The following CDK20 variants were observed in gnomAD, a reference collection of about 807,000 sequenced individuals.
The protein encoded by CDK20 is cyclin-dependent kinase 20.
In CDK20, 40 loss-of-function variants were observed where a neutral mutation model predicts 38.6. The observed-to-expected ratio is 1.04, with a 90% confidence interval of 0.81 to 1.35. The LOEUF (loss-of-function observed/expected upper bound fraction) is 1.35. CDK20 is among the 40% of genes most tolerant of loss of function. CDK20 has a pLI of 0.00. For missense variants in CDK20, 512 were observed against 452.6 expected (o/e 1.13, Z -1.19); for synonymous variants, 209 against 185.7 (o/e 1.13, Z -1.02).
In CDK20 at chr9:87,971,150, A is replaced by G; in HGVS notation, c.375T>C (p.His125=). ...VAFCHANNIV[H]RDLKPANLLI... ...CCCGGCCTATGCTGAGACTGACCCG[A>G]TGTACAATGTTGTTGGCATGGCAGA... is the stretch of plus-strand genomic sequence containing the variant. The change falls in exon 3 of 8, where the codon CAT becomes CAC. Residue 125 remains histidine, a synonymous_variant. Coordinates refer to ENST00000325303, the MANE Select transcript of CDK20 (RefSeq NM_001039803.3). 1 of 1,613,572 alleles carries G rather than the reference A, an allele frequency of 6.2e-7. No individual in the cohort carries two copies. The highest frequency in any genetic ancestry group is 8.5e-7 in the Non-Finnish European group (1 of 1,179,600).
chr9:87,970,838 A>C lies in CDK20; in HGVS notation c.438T>G (p.Phe146Leu). ...SASGQLKIAD[F>L]GLARVFSPDG... Reference sequence around the variant, plus strand: ...CTGGGGAAAAGACTCGAGCCAGGCCAAAGTCCGCTATCTTGAGCTGGCCTG... The same window carrying C: ...CTGGGGAAAAGACTCGAGCCAGGCCCAAGTCCGCTATCTTGAGCTGGCCTG... Residue 146 changes from phenylalanine to leucine, a missense_variant, in exon 4 of 8, where the codon TTT (phenylalanine) becomes TTG (leucine). By Grantham distance (22) the Phe-to-Leu change is conservative. Coordinates refer to ENST00000325303, the MANE Select transcript of CDK20 (RefSeq NM_001039803.3). 4 of 1,614,186 alleles carry C rather than the reference A, an allele frequency of 2.5e-6. No individual in the cohort carries two copies. Among genetic ancestry groups the C allele is most frequent in the Non-Finnish European group, 3.4e-6 (4 of 1,180,044 alleles).
rs973770964 is a variant in CDK20, at chr9:87,966,606, C to T, written c.*856G>A. On this transcript the variant is annotated 3_prime_UTR_variant, in exon 8 of 8. Coordinates refer to ENST00000325303, the MANE Select transcript of CDK20 (RefSeq NM_001039803.3). ...ATCAAATTATAATAAGGAAAAAGCACTAGCTGGGATTATATTGGGATTTAT... is the reference window on the plus strand; with the variant it reads ...ATCAAATTATAATAAGGAAAAAGCATTAGCTGGGATTATATTGGGATTTAT... 1.2e-4 allele frequency: 20 copies of T among 163,530 alleles called. No individual in the cohort carries two copies. Among genetic ancestry groups the T allele is most frequent in the Admixed American group, 5.1e-4 (9 of 17,712 alleles). 10.1% of individuals were successfully genotyped at this position (163,530 alleles called of 1,614,324 possible). A position where few individuals can be genotyped will look rare whatever the true frequency, so the allele number is the denominator to read the frequency against.
At chr9:87,969,139 C>T (rs758999655) in intron 7 of CDK20, 55 bp downstream of exon 7, 3 of 1,590,892 alleles carry the variant, frequency 1.9e-6, no homozygotes, top group African/African-American at 1.3e-5. Context: ...GTACAGAGTA[C>T]CAGGGTGATG....
Position 87,969,222 on chromosome 9 carries a change from G to C in CDK20, c.815C>G (p.Pro272Arg). Reference protein sequence around the residue: ...LDLLGQFLLYPPHQRIAASKA... With the variant: ...LDLLGQFLLYRPHQRIAASKA... ...GGAAGCTGCGATGCGCTGGTGAGGA[G>C]GGTAGAGAAGGAATTGACCCAGCAG... The change falls in exon 7 of 8, where the codon CCT (proline) becomes CGT (arginine). Residue 272 changes from proline (P) to arginine (R), a missense_variant. By Grantham distance (103) the Pro-to-Arg change is moderately radical. Transcript: ENST00000325303. The C allele has an allele frequency of 2.5e-6, 4 of 1,614,076 alleles. No individual in the cohort carries two copies. The highest frequency in any genetic ancestry group is 3.4e-6 in the Non-Finnish European group (4 of 1,179,986).
At chr9:87,971,055 C>G (rs960356414) in intron 3 of CDK20, 92 bp downstream of exon 3, 14 of 1,515,182 alleles carry the variant, frequency 9.2e-6, no homozygotes, top group Non-Finnish European at 1.3e-5. Context: ...AGCTCTGTCC[C>G]AACTTCTTAT....
rs1829527246 is a variant in CDK20, at chr9:87,967,668, G to A, written c.844-9C>T. The A allele has an allele frequency of 6.8e-7, 1 of 1,464,460 alleles. No individual in the cohort carries two copies. The highest frequency in any genetic ancestry group is 9.0e-7 in the Non-Finnish European group (1 of 1,105,170). 90.7% of individuals were successfully genotyped at this position (1,464,460 alleles called of 1,614,324 possible). On this transcript the variant is annotated splice_polypyrimidine_tract_variant and intron_variant, in intron 7 of 7. Transcript: ENST00000325303. ...TACTGATGGAGGAGAGCCTGAGGGTGGCAAGTAAGGAACAGCAGAAGGAAA... is the reference window on the plus strand; with the variant it reads ...TACTGATGGAGGAGAGCCTGAGGGTAGCAAGTAAGGAACAGCAGAAGGAAA...
chr9:87,973,702 G>C (rs2118347003), intron 2 of CDK20, among the ~76,000 whole-genome samples: 1 of 152,292 alleles, frequency 6.6e-6, no homozygotes, highest in East Asian at 1.9e-4. Flanking sequence ...AAATGAGAGT[G>C]AATGTGTGAG....
At chr9:87,970,684 G>C in intron 4 of CDK20, 54 bp from the exon 5 acceptor site, 5 of 1,612,930 alleles carry the variant, frequency 3.1e-6, no homozygotes, top group Non-Finnish European at 3.4e-6. Context: ...GCCTGGGGAG[G>C]TGACCCCAGC....
chr9:87,971,744 T>A (rs1037278602), intron 2 of CDK20, among the ~76,000 whole-genome samples: 3 of 152,058 alleles, frequency 2.0e-5, no homozygotes, highest in African/African-American at 7.2e-5. Flanking sequence ...CTGGGACAGC[T>A]ACAGACACAT....
In CDK20 at chr9:87,967,243, G is replaced by A. The variant is rs778098764; in HGVS notation, c.*219C>T. 6 of 697,046 alleles carry A rather than the reference G, an allele frequency of 8.6e-6. No homozygotes were observed. The East Asian group carries it at 1.6e-4, about 19-fold the overall frequency. The allele number at this position is 697,046 out of a possible 1,614,324, so 43.2% of individuals were successfully genotyped here. ...AGAAGGTAAGGCTCACCGAGCACAG[G>A]CCATGAATCTCCTCTGCTCGACTGG... On this transcript the variant is annotated 3_prime_UTR_variant, in exon 8 of 8. Transcript: ENST00000325303.
intron 5 of CDK20, 157 bp downstream of exon 5, chr9:87,970,411 C>T (rs1829763538): frequency 1.5e-6 from 1 of 673,338 alleles, no homozygotes; most frequent in Admixed American, 3.0e-5. Flanking sequence ...TGAGGAACCC[C>T]AACCCCAAAG....
At chr9:87,969,513 C>A (rs922019165) in intron 6 of CDK20, 164 bp from the exon 7 acceptor site, 6 of 823,708 alleles carry the variant, frequency 7.3e-6, no homozygotes, top group Non-Finnish European at 5.6e-6. Flanking sequence ...CCCCTGTATT[C>A]CTTCATCCAT....
rs763841221 is a variant in CDK20 at position 87,971,260 on chromosome 9, C to T, written c.265G>A (p.Ala89Thr). 1.9e-6 allele frequency: 3 copies of T among 1,614,128 alleles called. No individual in the cohort carries two copies. The East Asian group carries it at 6.7e-5, about 36-fold the overall frequency. ...LAFEFMLSDL[A>T]EVVRHAQRPL... Reference sequence around the variant, plus strand: ...CTCTGGGCATGGCGCACCACCTCGGCCAGATCCGACAGCATGAACTCAAAG... The same window carrying T: ...CTCTGGGCATGGCGCACCACCTCGGTCAGATCCGACAGCATGAACTCAAAG... The change falls in exon 3 of 8, where the codon GCC (alanine) becomes ACC (threonine). Residue 89 changes from alanine (A) to threonine (T), a missense_variant. By Grantham distance (58) the Ala-to-Thr change is moderately conservative. Coordinates refer to ENST00000325303, the MANE Select transcript of CDK20 (RefSeq NM_001039803.3).
chr9:87,974,051 C>T lies in CDK20; in HGVS notation c.76-16G>A. 1.2e-6 allele frequency: 2 copies of T among 1,613,946 alleles called. No homozygotes were observed. On this transcript the variant is annotated splice_polypyrimidine_tract_variant and intron_variant, in intron 1 of 7. Coordinates refer to ENST00000325303, the MANE Select transcript of CDK20 (RefSeq NM_001039803.3). The stretch of plus-strand genomic sequence containing the variant: ...TCTCGCCAGTCTGCAGGATAGAAGG[C>T]AGACACTGCCAGCCCACCCTCGGCT...
rs1437498847 is a variant in CDK20 at position 87,970,442 on chromosome 9, G to A, written c.563+126C>T. The A allele has an allele frequency of 5.8e-5, 50 of 864,960 alleles. 1 individual carries two copies. In the South Asian group the frequency reaches 8.5e-4, roughly 15 times the overall value. The allele number at this position is 864,960 out of a possible 1,614,324, so 53.6% of individuals were successfully genotyped here. On this transcript the variant is annotated intron_variant, in intron 5 of 7. Transcript: ENST00000325303. Reference sequence around the variant, plus strand: ...CAAAGTGCTCAGAATACCCCAACCAGGGAAGACACCCTTAAGGAAGCCTAA... The same window carrying A: ...CAAAGTGCTCAGAATACCCCAACCAAGGAAGACACCCTTAAGGAAGCCTAA...
At position 87,967,324 on chromosome 9, in the gene CDK20, A is replaced by G. The variant is rs916903665; in HGVS notation, c.*138T>C. On this transcript the variant is annotated 3_prime_UTR_variant, in exon 8 of 8. Coordinates refer to ENST00000325303, the MANE Select transcript of CDK20 (RefSeq NM_001039803.3). ...CCTCTGCCTCGAGACCAACCCTCGC[A>G]AGGGCTAAGGGGCAGGGTGTGGTGT... The G allele has an allele frequency of 5.4e-5, 46 of 859,172 alleles. No homozygotes were observed. The highest frequency in any genetic ancestry group is 7.9e-5 in the Non-Finnish European group (41 of 519,620). The allele number at this position is 859,172 out of a possible 1,614,324, so 53.2% of individuals were successfully genotyped here.
chr9:87,967,547 T>G lies in CDK20; in HGVS notation c.956A>C (p.His319Pro), dbSNP rs1829517151. 2 of 1,553,436 alleles carry G rather than the reference T, an allele frequency of 1.3e-6. No homozygotes were observed. Among genetic ancestry groups the G allele is most frequent in the Non-Finnish European group, 1.7e-6 (2 of 1,148,062 alleles). Residue 319 changes from histidine to proline, a missense_variant, in exon 8 of 8, where the codon CAC becomes CCC. Coordinates refer to ENST00000325303, the MANE Select transcript of CDK20 (RefSeq NM_001039803.3). Reference sequence around the variant, plus strand: ...CCGGTCCACGTGGAAGTCATGGATGTGGGGGGGCCCTGGATGGGCCTTGGG... The same window carrying G: ...CCGGTCCACGTGGAAGTCATGGATGGGGGGGGGCCCTGGATGGGCCTTGGG... The part of the protein sequence containing the change: ...PAPKAHPGPP[H>P]IHDFHVDRPL...
chr9:87,970,317 C>T (rs780225489), intron 5 of CDK20: 17 of 530,198 alleles, frequency 3.2e-5, no homozygotes, highest in Non-Finnish European at 5.3e-5. Flanking sequence ...CTCAGACCAC[C>T]TCCCCATCTA....
intron 2 of CDK20, 58 bp from the exon 3 acceptor site, chr9:87,971,393 C>T (rs548688973): frequency 1.3e-6 from 2 of 1,499,826 alleles, no homozygotes; most frequent in Admixed American, 2.0e-5. Flanking sequence ...CTCTCTGTGA[C>T]CCTGAGACCC....
Sources: allele counts gnomAD v4.1 joint callset (sites outside exome capture counted in the v4.1 genomes callset), GRCh38; gene constraint gnomAD v4.1.1; transcripts MANE v1.5; gene names NCBI Gene and HGNC (gene_info 2026-07-23, HGNC 2026-07-21).